The following IFT52 variants were observed in gnomAD, a reference collection of about 807,000 sequenced individuals.
The protein encoded by IFT52 is intraflagellar transport protein 52 homolog.
In IFT52, 44 loss-of-function variants were observed where a neutral mutation model predicts 54.4. The ratio of observed to expected loss-of-function variants is 0.81; its 90% CI spans 0.63 to 1.04. IFT52 has a LOEUF of 1.04. IFT52 is among the 50% of genes least tolerant of loss of function. The pLI is 0.00. For missense variants in IFT52, 452 were observed against 523.6 expected (o/e 0.86, Z 1.33); for synonymous variants, 181 against 185.3 (o/e 0.98, Z 0.19).
chr20:43,627,970 A>G (rs1393695565), intron 10 of IFT52, among the ~76,000 whole-genome samples: 2 of 113,956 alleles, frequency 1.8e-5, no homozygotes, highest in East Asian at 3.0e-4. Flanking sequence ...CTCTTTACCC[A>G]GGCTGGAGTG....
chr20:43,626,066 A>G (rs917039859), intron 10 of IFT52, among the ~76,000 whole-genome samples: 3 of 151,684 alleles, frequency 2.0e-5, no homozygotes, highest in African/African-American at 7.3e-5. Context: ...GAGTTGAGAA[A>G]GACTGCGAGT....
At position 43,607,429 on chromosome 20, in the gene IFT52, C is replaced by T. The variant is rs571703984; in HGVS notation, c.485+2356C>T. The stretch of plus-strand genomic sequence containing the variant: ...CTTCTCAGACGGGGCGGCTGCCGGG[C>T]GGAGGGGCTCCTCACTTCTCAGACA... On this transcript the variant is annotated intron_variant, in intron 6 of 13. Transcript: ENST00000373030. Among the ~76,000 whole-genome samples the T allele has an allele frequency of 8.7e-3, 1,298 of 148,898 alleles. 16 individuals carry two copies. The highest frequency in any genetic ancestry group is 0.03 in the African/African-American group (1,197 of 39,754).
chr20:43,633,727 A>G (rs930568374), intron 10 of IFT52, among the ~76,000 whole-genome samples: 7 of 151,888 alleles, frequency 4.6e-5, no homozygotes, highest in African/African-American at 1.7e-4. Context: ...AATAAATAAA[A>G]GAGAATTTGG....
intron 6 of IFT52, among the ~76,000 whole-genome samples, chr20:43,608,448 T>C (rs919790160): frequency 6.6e-6 from 1 of 152,190 alleles, no homozygotes; most frequent in Non-Finnish European, 1.5e-5. Context: ...ATTGGCTGAT[T>C]GTATTTCTTC....
At chr20:43,625,855 C>T (rs1209800029) in intron 10 of IFT52, among the ~76,000 whole-genome samples, 1 of 151,500 alleles carries the variant, frequency 6.6e-6, no homozygotes, top group East Asian at 1.9e-4. Context: ...TTCCTTATAT[C>T]CCGAACGTCA....
chr20:43,600,257 G>A (rs1034832725), intron 3 of IFT52, among the ~76,000 whole-genome samples: 4 of 152,002 alleles, frequency 2.6e-5, no homozygotes, highest in African/African-American at 9.7e-5. Context: ...TGTTGCTGTC[G>A]GTGATGTGAT....
intron 5 of IFT52, 55 bp from the exon 6 acceptor site, chr20:43,604,947 G>T: frequency 6.4e-7 from 1 of 1,571,958 alleles, no homozygotes; most frequent in Non-Finnish European, 8.7e-7. Context: ...AATGAATGCA[G>T]TGTGAAATTC....
intron 6 of IFT52, among the ~76,000 whole-genome samples, chr20:43,612,031 G>A (rs1453527009): frequency 5.9e-5 from 9 of 151,324 alleles, no homozygotes; most frequent in African/African-American, 1.7e-4. Flanking sequence ...ACTCCATCTC[G>A]AAAAATAATA....
In IFT52 at chr20:43,620,999, A is replaced by G; in HGVS notation, c.768+74A>G. ...TCTCAGTACCACTTCTCACAGCTCA[A>G]AAGGAATACATGACTGTCTTAACTC... On this transcript the variant is annotated intron_variant, in intron 9 of 13. Transcript: ENST00000373030. The G allele has an allele frequency of 3.9e-6, 4 of 1,033,472 alleles. No homozygotes were observed. The Admixed American group carries it at 7.3e-5, about 19-fold the overall frequency. 64.0% of individuals were successfully genotyped at this position (1,033,472 alleles called of 1,614,324 possible).
rs537132964 is a variant in IFT52, at chr20:43,610,153, G to A, written c.486-3697G>A. ...TAAAAAATACAAAACTTAGCCAGAC[G>A]TGGTGGCACAAGCCTGTAATCCCAG... is the stretch of plus-strand genomic sequence containing the variant. On this transcript the variant is annotated intron_variant, in intron 6 of 13. Coordinates refer to ENST00000373030, the MANE Select transcript of IFT52 (RefSeq NM_016004.5). Among the ~76,000 whole-genome samples, 40 of 150,874 alleles carry A rather than the reference G, an allele frequency of 2.7e-4. 1 individual carries two copies. Among genetic ancestry groups the A allele is most frequent in the African/African-American group, 8.5e-4 (35 of 41,100 alleles).
intron 9 of IFT52, 82 bp downstream of exon 9, chr20:43,621,007 A>G: frequency 2.0e-6 from 2 of 978,872 alleles, no homozygotes; most frequent in Non-Finnish European, 3.3e-6. Context: ...CAAAAGGAAT[A>G]CATGACTGTC....
intron 7 of IFT52, among the ~76,000 whole-genome samples, chr20:43,615,119 T>C (rs1983758466): frequency 6.6e-6 from 1 of 151,940 alleles, no homozygotes; most frequent in Non-Finnish European, 1.5e-5. Context: ...TGGAGTGCAG[T>C]GGCGCAATCT....
intron 7 of IFT52, among the ~76,000 whole-genome samples, chr20:43,617,413 T>G (rs1390136684): frequency 6.6e-6 from 1 of 151,826 alleles, no homozygotes; most frequent in Non-Finnish European, 1.5e-5. Flanking sequence ...CAGTCATTAT[T>G]TTATGACTCT....
chr20:43,635,458 G>T (rs1403497615), intron 10 of IFT52, among the ~76,000 whole-genome samples: 1 of 151,968 alleles, frequency 6.6e-6, no homozygotes, highest in Non-Finnish European at 1.5e-5. Flanking sequence ...CACCACACCC[G>T]GCTAATTTTT....
chr20:43,596,335 C>A, intron 2 of IFT52, 100 bp from the exon 3 acceptor site: 1 of 690,084 alleles, frequency 1.4e-6, no homozygotes, highest in Non-Finnish European at 2.5e-6. Flanking sequence ...CATCTCTGAG[C>A]CTCTGTGGCC....
At chr20:43,646,908 A>C (rs903816647) in intron 13 of IFT52, 28 bp from the exon 14 acceptor site, 2 of 1,595,612 alleles carry the variant, frequency 1.3e-6, no homozygotes, top group Non-Finnish European at 1.7e-6. Context: ...TGAAATACTA[A>C]AATTCTGTGT....
At chr20:43,612,852 C>T (rs890314426) in intron 6 of IFT52, among the ~76,000 whole-genome samples, 20 of 152,264 alleles carry the variant, frequency 1.3e-4, no homozygotes, top group African/African-American at 4.1e-4. Flanking sequence ...TCTAACCTTA[C>T]GCCCTGGTGT....
Position 43,633,298 on chromosome 20 carries a change from A to G in IFT52, c.924-2628A>G, listed in dbSNP as rs6031001. ...GCGGAGGTTGCGGTGAGCCGAGATC[A>G]TGCCATTGTCCTCCAGCCTGGGCCA... On this transcript the variant is annotated intron_variant, in intron 10 of 13. Coordinates refer to ENST00000373030, the MANE Select transcript of IFT52 (RefSeq NM_016004.5). Among the ~76,000 whole-genome samples the G allele has an allele frequency of 1.6e-3, 248 of 151,972 alleles. 1 individual carries two copies. The highest frequency in any genetic ancestry group is 5.6e-3 in the African/African-American group (234 of 41,480).
intron 10 of IFT52, among the ~76,000 whole-genome samples, chr20:43,630,661 C>G (rs1985094514): frequency 6.6e-6 from 1 of 152,162 alleles, no homozygotes; most frequent in Non-Finnish European, 1.5e-5. Context: ...AGTCCCTGCC[C>G]TTAGAGTTCA....
Sources: gnomAD v4.1 joint callset for allele counts (sites outside exome capture counted in the v4.1 genomes callset) on GRCh38, gnomAD v4.1.1 for gene constraint, MANE v1.5 for transcripts, NCBI Gene and HGNC (gene_info 2026-07-23, HGNC 2026-07-21) for gene names.